Variants in CCDC7 observed in about 807,000 individuals in gnomAD.
CCDC7 encodes coiled-coil domain-containing protein 7.
In CCDC7, 183 loss-of-function variants were observed where a neutral mutation model predicts 196.9. The ratio of observed to expected loss-of-function variants is 0.93; its 90% CI spans 0.82 to 1.05. The LOEUF is 1.05. Among genes scored for constraint, CCDC7 ranks in the 50% least tolerant of loss-of-function variants. The pLI is 0.00. For missense variants in CCDC7, 1,540 were observed against 1,482.2 expected (o/e 1.04, Z -0.64); for synonymous variants, 525 against 484.6 (o/e 1.08, Z -1.10).
chr10:32,482,868 C>T (rs975654585), intron 8 of CCDC7, among the ~76,000 whole-genome samples: 5 of 152,090 alleles, frequency 3.3e-5, no homozygotes, highest in Admixed American at 6.6e-5. Context: ...ATGGTGTATA[C>T]ATGCCACATT....
chr10:32,621,028 A>T (rs1385038839), intron 18 of CCDC7, among the ~76,000 whole-genome samples: 1 of 152,200 alleles, frequency 6.6e-6, no homozygotes, highest in East Asian at 1.9e-4. Flanking sequence ...TATTCTTATT[A>T]TTAAGAAATA....
At chr10:32,447,869 C>T (rs1473333834), upstream of CCDC7, among the ~76,000 whole-genome samples, 7 of 152,116 alleles carry the variant, frequency 4.6e-5, no homozygotes. Context: ...CCATTGTACT[C>T]CAGCCTGGGC....
At chr10:32,472,429 A>G (rs2038132712) in intron 6 of CCDC7, 52 bp from the exon 8 acceptor site, 1 of 1,467,508 alleles carries the variant, frequency 6.8e-7, no homozygotes, top group Non-Finnish European at 9.1e-7. Context: ...TGTAATTTAA[A>G]CTCTTACTCT....
downstream of CCDC7, among the ~76,000 whole-genome samples, chr10:32,880,001 G>T (rs2094730325): frequency 6.6e-6 from 1 of 152,040 alleles, no homozygotes; most frequent in Non-Finnish European, 1.5e-5. Context: ...AAATAATGCT[G>T]AAATGAACAT....
At chr10:32,683,375 A>C (rs185241993) in intron 21 of CCDC7, among the ~76,000 whole-genome samples, 2 of 152,200 alleles carry the variant, frequency 1.3e-5, no homozygotes, top group Admixed American at 6.5e-5. Context: ...TACCACTACC[A>C]TGCTGTTTTG....
At chr10:32,622,120 G>A (rs2063484020) in intron 18 of CCDC7, among the ~76,000 whole-genome samples, 1 of 152,132 alleles carries the variant, frequency 6.6e-6, no homozygotes, top group South Asian at 2.1e-4. Context: ...TCTTCTGTGT[G>A]TACTTCATTC....
chr10:32,677,479 A>G (rs184989376), intron 21 of CCDC7, among the ~76,000 whole-genome samples: 2 of 152,268 alleles, frequency 1.3e-5, no homozygotes, highest in Non-Finnish European at 2.9e-5. Flanking sequence ...CTTTTAAAGC[A>G]CAATTTTTCT....
In CCDC7 at chr10:32,517,929, T is replaced by A. The variant is rs2047301940; in HGVS notation, c.873-16T>A. 1 of 1,589,852 alleles carries A rather than the reference T, an allele frequency of 6.3e-7. No individual in the cohort carries two copies. Among genetic ancestry groups the A allele is most frequent in the Admixed American group, 1.8e-5 (1 of 55,572 alleles). On this transcript the variant is annotated splice_polypyrimidine_tract_variant and intron_variant, in intron 9 of 41. Transcript: ENST00000639629. ...ATGTACAATTATAAACACACTTTTT[T>A]TGGTTTATTTTTCAGAGCTGTAAAT...
At chr10:32,774,376 C>A (rs2079633422) in intron 28 of CCDC7, among the ~76,000 whole-genome samples, 1 of 151,952 alleles carries the variant, frequency 6.6e-6, no homozygotes, top group African/African-American at 2.4e-5. Flanking sequence ...CTGGAGTGAG[C>A]TTCCTGTGAA....
chr10:32,586,794 G>C (rs1475259452), intron 18 of CCDC7, among the ~76,000 whole-genome samples: 3 of 152,138 alleles, frequency 2.0e-5, no homozygotes, highest in African/African-American at 4.8e-5. Flanking sequence ...AGTATAGTTT[G>C]AAGTCAGGTA....
At chr10:32,630,311 CATATATATGTGTGTGTGTATATATGT>C (rs1174613249) in intron 18 of CCDC7, among the ~76,000 whole-genome samples, 2 of 150,638 alleles carry the variant, frequency 1.3e-5, no homozygotes, top group Admixed American at 1.3e-4. Context: ...ATATGGGTAC[CATATATATGTGTGTGTGTATATATGT>C]ATATATATGC....
At chr10:32,867,032 G>C (rs1188401647) in intron 41 of CCDC7, among the ~76,000 whole-genome samples, 1 of 151,498 alleles carries the variant, frequency 6.6e-6, no homozygotes, top group African/African-American at 2.4e-5. Context: ...CTACAGACTG[G>C]TGTTAAAAAT....
intron 11 of CCDC7, among the ~76,000 whole-genome samples, chr10:32,523,459 G>C (rs2048176507): frequency 6.6e-6 from 1 of 151,486 alleles, no homozygotes; most frequent in Non-Finnish European, 1.5e-5. Flanking sequence ...TGACACAGGA[G>C]AATTGCTTGA....
chr10:32,497,012 G>C (rs373269486), intron 9 of CCDC7, among the ~76,000 whole-genome samples: 1 of 152,050 alleles, frequency 6.6e-6, no homozygotes, highest in Non-Finnish European at 1.5e-5. Context: ...CTGTGAATCC[G>C]TCTGGTCCTG....
intron 28 of CCDC7, among the ~76,000 whole-genome samples, chr10:32,738,296 G>A (rs1162198748): frequency 2.0e-5 from 3 of 151,884 alleles, no homozygotes; most frequent in Non-Finnish European, 4.4e-5. Flanking sequence ...GGATAATGCA[G>A]GTATTCTGAT....
upstream of CCDC7, among the ~76,000 whole-genome samples, chr10:32,448,769 A>G (rs2032155724): frequency 6.6e-6 from 1 of 152,120 alleles, no homozygotes; most frequent in Non-Finnish European, 1.5e-5. Flanking sequence ...ATTGTTATTA[A>G]CAAATATATA....
chr10:32,663,374 G>T (rs1591303875), intron 20 of CCDC7, among the ~76,000 whole-genome samples: 1 of 152,100 alleles, frequency 6.6e-6, no homozygotes, highest in South Asian at 2.1e-4. Context: ...ATGCAATTTT[G>T]CATGTAGGGT....
rs5784306 is a variant in CCDC7 at position 32,854,390 on chromosome 10, AT to A, written c.4022-3del. The stretch of plus-strand genomic sequence containing the variant: ...CACATAATTTAATAACACTGTTCTC[AT>A]TTTTTTAGGGCATTCGAAAGTTGTT... On this transcript the variant is annotated splice_polypyrimidine_tract_variant and intron_variant, in intron 40 of 41. Coordinates refer to ENST00000639629, the Ensembl canonical transcript of CCDC7. 8.5e-3 allele frequency: 13,047 copies of A among 1,538,298 alleles called. 919 individuals are homozygous for A. In the African/African-American group the frequency reaches 0.15, roughly 18 times the overall value.
exon 22 of CCDC7, chr10:32,686,031 C>G (rs1444271846): frequency 4.4e-6 from 7 of 1,584,960 alleles, no homozygotes; most frequent in Non-Finnish European, 5.1e-6. Context: ...TGTCAAAAAC[C>G]AAATTACAAA....
Sources: allele counts gnomAD v4.1 joint callset (sites outside exome capture counted in the v4.1 genomes callset), GRCh38; gene constraint gnomAD v4.1.1; transcripts MANE v1.5; gene names NCBI Gene and HGNC (gene_info 2026-07-23, HGNC 2026-07-21).